The following FSTL5 variants were observed in gnomAD, a reference collection of about 807,000 sequenced individuals.
The protein encoded by FSTL5 is follistatin like 5.
FSTL5 carries 62 observed loss-of-function variants against 89.1 expected under a neutral mutation model. The observed-to-expected ratio is 0.70, with a 90% confidence interval of 0.57 to 0.86. The LOEUF (loss-of-function observed/expected upper bound fraction) is 0.86, where lower values mean the gene tolerates loss of function less well. Among genes scored for constraint, FSTL5 ranks in the 40% least tolerant of loss-of-function variants. The pLI, the probability that FSTL5 is intolerant of heterozygous loss-of-function variation, is 0.00. For synonymous variants in FSTL5, 383 were observed against 346.2 expected (o/e 1.11, Z -1.18); for missense variants, 1,057 against 1,001.6 (o/e 1.06, Z -0.75).
chr4:161,394,582 G>A (rs74413329), intron 15 of FSTL5, among the ~76,000 whole-genome samples: 4,741 of 152,062 alleles, frequency 0.031, 250 homozygotes, highest in African/African-American at 0.11. Context: ...GCCAATACAC[G>A]TAATTTTAAT....
chr4:161,731,147 A>T (rs141328391), intron 6 of FSTL5, among the ~76,000 whole-genome samples: 6 of 152,234 alleles, frequency 3.9e-5, no homozygotes, highest in Middle Eastern at 3.4e-3. Flanking sequence ...CACATATTTA[A>T]ATGTATGAGT....
chr4:161,865,544 A>T (rs1732056880), intron 4 of FSTL5, among the ~76,000 whole-genome samples: 1 of 152,164 alleles, frequency 6.6e-6, no homozygotes, highest in South Asian at 2.1e-4. Context: ...TACTTATAAT[A>T]CACCGGGATG....
chr4:161,871,897 T>C (rs1200223821), intron 4 of FSTL5, among the ~76,000 whole-genome samples: 1 of 152,146 alleles, frequency 6.6e-6, no homozygotes, highest in South Asian at 2.1e-4. Flanking sequence ...TCTATCACTG[T>C]ATTCTTGGAA....
intron 4 of FSTL5, among the ~76,000 whole-genome samples, chr4:161,824,138 G>A (rs998936195): frequency 6.6e-6 from 1 of 152,106 alleles, no homozygotes; most frequent in African/African-American, 2.4e-5. Context: ...AATTTTTATG[G>A]TTTCAGGTTT....
chr4:161,987,485 T>TATATACATATAC (rs984214889), intron 3 of FSTL5, among the ~76,000 whole-genome samples: 4 of 143,606 alleles, frequency 2.8e-5, no homozygotes, highest in Admixed American at 6.9e-5. Context: ...TATATATATA[T>TATATACATATAC]ACATACATAT....
At chr4:161,889,659 A>G (rs1822095) in intron 4 of FSTL5, among the ~76,000 whole-genome samples, 126,823 of 152,118 alleles carry the variant, frequency 0.83, 53,501 homozygotes, top group Non-Finnish European at 0.9. Context: ...TAAATAAATA[A>G]CACGAATTAT....
At chr4:161,973,630 A>G (rs1053613468) in intron 3 of FSTL5, among the ~76,000 whole-genome samples, 17 of 152,176 alleles carry the variant, frequency 1.1e-4, no homozygotes, top group Non-Finnish European at 2.5e-4. Context: ...TAAAATGTTC[A>G]AAATGTAATT....
At chr4:161,497,707 A>C (rs146629708) in intron 12 of FSTL5, among the ~76,000 whole-genome samples, 33 of 152,100 alleles carry the variant, frequency 2.2e-4, no homozygotes, top group African/African-American at 7.7e-4. Context: ...ATTCTATAAT[A>C]TTTATCTCAC....
At chr4:161,565,752 C>A (rs1389490590) in intron 8 of FSTL5, among the ~76,000 whole-genome samples, 1 of 149,640 alleles carries the variant, frequency 6.7e-6, no homozygotes, top group Non-Finnish European at 1.5e-5. Flanking sequence ...GACACACACA[C>A]ACACACACAC....
At chr4:162,141,323 GC>G (rs1732737146) in intron 1 of FSTL5, among the ~76,000 whole-genome samples, 1 of 117,014 alleles carries the variant, frequency 8.5e-6, no homozygotes, top group African/African-American at 3.0e-5. Flanking sequence ...CACCATGTTA[GC>G]CAGGATGGTC....
intron 2 of FSTL5, among the ~76,000 whole-genome samples, chr4:162,043,812 C>T (rs1738068223): frequency 6.6e-6 from 1 of 152,172 alleles, no homozygotes; most frequent in African/African-American, 2.4e-5. Flanking sequence ...GATTCCATTT[C>T]AAGAAACCAC....
chr4:161,573,980 C>A (rs576388253), intron 8 of FSTL5, among the ~76,000 whole-genome samples: 1 of 152,232 alleles, frequency 6.6e-6, no homozygotes, highest in Non-Finnish European at 1.5e-5. Context: ...GGATAATCCA[C>A]GTTCATGCAT....
At chr4:161,638,504 C>G (rs906101122) in intron 7 of FSTL5, among the ~76,000 whole-genome samples, 1 of 152,076 alleles carries the variant, frequency 6.6e-6, no homozygotes, top group African/African-American at 2.4e-5. Flanking sequence ...ACACAACAAT[C>G]AATAGTTTAC....
At chr4:162,053,464 G>T (rs1738446765) in intron 2 of FSTL5, among the ~76,000 whole-genome samples, 1 of 151,694 alleles carries the variant, frequency 6.6e-6, no homozygotes, top group Admixed American at 6.6e-5. Flanking sequence ...AAGAGAACTA[G>T]ACAAAACACA....
In FSTL5 at chr4:161,758,884, T is replaced by A. The variant is rs1345037107; in HGVS notation, c.727+527A>T. On this transcript the variant is annotated intron_variant, in intron 6 of 15. Transcript: ENST00000306100. ...TGGTTAATCAAGTCATCTTTATGAC[T>A]GTTCTAAAAAATACATTTAGTCACT... 3.3e-5 allele frequency among the ~76,000 whole-genome samples: 5 copies of A among 152,342 alleles called. No individual in the cohort carries two copies. The East Asian group carries it at 7.7e-4, about 24-fold the overall frequency.
intron 4 of FSTL5, among the ~76,000 whole-genome samples, chr4:161,818,727 T>C (rs1730404838): frequency 1.3e-5 from 2 of 152,164 alleles, no homozygotes; most frequent in South Asian, 4.1e-4. Context: ...CTTTTAAGAG[T>C]TTTCTATAAC....
chr4:161,809,247 A>C (rs1226489638), intron 4 of FSTL5, among the ~76,000 whole-genome samples: 1 of 152,060 alleles, frequency 6.6e-6, no homozygotes, highest in Admixed American at 6.6e-5. Context: ...ATGCAAATCC[A>C]AAATACAATG....
chr4:162,024,977 T>A (rs1737225115), intron 3 of FSTL5, among the ~76,000 whole-genome samples: 1 of 152,088 alleles, frequency 6.6e-6, no homozygotes, highest in Non-Finnish European at 1.5e-5. Flanking sequence ...GTCATTATTA[T>A]AACGTCAAAT....
rs558546495 is a variant in FSTL5 at position 161,797,243 on chromosome 4, T to G, written c.410-21169A>C. Reference sequence around the variant, plus strand: ...TGTTTTGAGATTTCTGAGGGTTGACTTTTTTTACTGGCTATTTTAGCAAAG... The same window carrying G: ...TGTTTTGAGATTTCTGAGGGTTGACGTTTTTTACTGGCTATTTTAGCAAAG... On this transcript the variant is annotated intron_variant, in intron 4 of 15. Coordinates refer to ENST00000306100, the MANE Select transcript of FSTL5 (RefSeq NM_020116.5). Among the ~76,000 whole-genome samples the G allele has an allele frequency of 1.1e-4, 17 of 151,770 alleles. No individual in the cohort carries two copies. The East Asian group carries it at 3.3e-3, about 29-fold the overall frequency.
Sources: gnomAD v4.1 joint callset for allele counts (sites outside exome capture counted in the v4.1 genomes callset) on GRCh38, gnomAD v4.1.1 for gene constraint, MANE v1.5 for transcripts, NCBI Gene and HGNC (gene_info 2026-07-23, HGNC 2026-07-21) for gene names.